Variants in SLC4A4 observed in about 807,000 individuals in gnomAD.
SLC4A4 encodes the protein electrogenic sodium bicarbonate cotransporter 1.
Under a neutral mutation model 111.5 loss-of-function variants are expected in SLC4A4, and 27 were observed. The ratio of observed to expected loss-of-function variants is 0.24; its 90% CI spans 0.18 to 0.33. The LOEUF (loss-of-function observed/expected upper bound fraction) is 0.33. SLC4A4 is among the 10% of genes least tolerant of loss of function. The probability of loss-of-function intolerance (pLI) is 1.00; values close to 1 mark genes in which losing one functional copy is unlikely to be tolerated. For missense variants in SLC4A4, 909 were observed against 1,315.5 expected (o/e 0.69, Z 4.78); for synonymous variants, 443 against 463.4 (o/e 0.96, Z 0.57).
At position 71,378,248 on chromosome 4, in the gene SLC4A4, G is replaced by T. The variant is rs971873319; in HGVS notation, c.731-19329G>T. ...TGAAGGTGGAGATTCAGAAATATTT[G>T]GTGGGCAGCACTAATGACTACCACC... is the stretch of plus-strand genomic sequence containing the variant. On this transcript the variant is annotated intron_variant, in intron 6 of 25. Coordinates refer to ENST00000264485, the MANE Select transcript of SLC4A4 (RefSeq NM_001098484.3). Among the ~76,000 whole-genome samples, 2 of 152,128 alleles carry T rather than the reference G, an allele frequency of 1.3e-5. 1 individual carries two copies. Among genetic ancestry groups the T allele is most frequent in the African/African-American group, 4.8e-5 (2 of 41,424 alleles).
intron 16 of SLC4A4, among the ~76,000 whole-genome samples, chr4:71,514,366 G>T (rs577750382): frequency 1.3e-5 from 2 of 152,236 alleles, no homozygotes; most frequent in East Asian, 3.9e-4. Context: ...GGACATGTCT[G>T]CTTCCCGTTT....
chr4:71,349,762 T>C (rs1729648555), intron 4 of SLC4A4, 150 bp from the exon 5 acceptor site: 3 of 708,566 alleles, frequency 4.2e-6, no homozygotes, highest in Non-Finnish European at 5.0e-6. Context: ...ATGAAGATTA[T>C]GTAATTAATG....
At chr4:71,189,564 G>C (rs1310272944) in intron 1 of SLC4A4, among the ~76,000 whole-genome samples, 1 of 152,154 alleles carries the variant, frequency 6.6e-6, no homozygotes, top group African/African-American at 2.4e-5. Context: ...TTGAGGTTCT[G>C]ATCCCTTGTT....
intron 4 of SLC4A4, among the ~76,000 whole-genome samples, chr4:71,345,866 C>T (rs913544750): frequency 6.6e-6 from 1 of 152,058 alleles, no homozygotes; most frequent in Non-Finnish European, 1.5e-5. Flanking sequence ...TGTACAATAA[C>T]TTTAATAGTG....
At chr4:71,359,283 G>T (rs1730555179) in intron 6 of SLC4A4, among the ~76,000 whole-genome samples, 1 of 152,212 alleles carries the variant, frequency 6.6e-6, no homozygotes, top group Non-Finnish European at 1.5e-5. Flanking sequence ...TATATGCTGG[G>T]CAGAAAGCAA....
At chr4:71,534,093 T>C (rs1482329253) in intron 17 of SLC4A4, 134 bp from the exon 18 acceptor site, 1 of 743,986 alleles carries the variant, frequency 1.3e-6, no homozygotes, top group Non-Finnish European at 2.3e-6. Context: ...CTTCATTCTC[T>C]AGCTCATAAC....
rs139157137 is a variant in SLC4A4, at chr4:71,492,130, C to A, written c.1974+5112C>A. Reference sequence around the variant, plus strand: ...CACCGAGAAAGTCAAGTGTAAAAACCATTCTGTCCTTAAATCTCCTTGAAG... The same window carrying A: ...CACCGAGAAAGTCAAGTGTAAAAACAATTCTGTCCTTAAATCTCCTTGAAG... On this transcript the variant is annotated intron_variant, in intron 15 of 25. Transcript: ENST00000264485. Among the ~76,000 whole-genome samples, 48 of 151,102 alleles carry A rather than the reference C, an allele frequency of 3.2e-4. No homozygotes were observed. The East Asian group carries it at 6.5e-3, about 20-fold the overall frequency.
Position 71,104,621 on chromosome 4 carries a change from T to A in SLC4A4, c.-2+11829T>A, listed in dbSNP as rs1472012109. Among the ~76,000 whole-genome samples the A allele has an allele frequency of 1.0e-4, 7 of 67,738 alleles. No homozygotes were observed. The East Asian group carries it at 1.3e-3, about 13-fold the overall frequency. The allele number at this position is 67,738 out of a possible 152,430, so 44.4% of individuals were successfully genotyped here. A position where few individuals can be genotyped will look rare whatever the true frequency, so the allele number is the denominator to read the frequency against. On this transcript the variant is annotated intron_variant, in intron 2 of 26. Coordinates refer to the SLC4A4 transcript ENST00000649996. ...TGGGATGCAAGGCTGGTTCAATATATGCAAATCAATAAATGTAATCCAGCA... is the reference window on the plus strand; with the variant it reads ...TGGGATGCAAGGCTGGTTCAATATAAGCAAATCAATAAATGTAATCCAGCA...
At chr4:71,119,720 G>A (rs1394067396) in intron 2 of SLC4A4, among the ~76,000 whole-genome samples, 3 of 152,264 alleles carry the variant, frequency 2.0e-5, no homozygotes, top group East Asian at 1.9e-4. Flanking sequence ...CTGTTACTTC[G>A]ATATTGCTTC....
intron 2 of SLC4A4, among the ~76,000 whole-genome samples, chr4:71,174,653 T>G (rs954578935): frequency 6.6e-6 from 1 of 152,204 alleles, no homozygotes; most frequent in Non-Finnish European, 1.5e-5. Flanking sequence ...GAAAGAGATA[T>G]TTTTTACTGC....
intron 2 of SLC4A4, among the ~76,000 whole-genome samples, chr4:71,177,824 C>T (rs945516463): frequency 1.1e-4 from 17 of 152,240 alleles, no homozygotes; most frequent in Middle Eastern, 3.4e-3. Flanking sequence ...CTGCACCAAG[C>T]GGACCTAATA....
At chr4:71,120,039 C>T (rs1743373248) in intron 2 of SLC4A4, among the ~76,000 whole-genome samples, 3 of 152,016 alleles carry the variant, frequency 2.0e-5, no homozygotes, top group Admixed American at 6.5e-5. Flanking sequence ...TGTTTTTAAA[C>T]ATAGTGAATT....
intron 7 of SLC4A4, among the ~76,000 whole-genome samples, chr4:71,409,827 T>C (rs1721198156): frequency 6.6e-6 from 1 of 152,122 alleles, no homozygotes; most frequent in Non-Finnish European, 1.5e-5. Flanking sequence ...AAAAGTGGTT[T>C]CGTGGGCCAC....
At chr4:71,455,157 A>G (rs1201951310) in intron 12 of SLC4A4, among the ~76,000 whole-genome samples, 1 of 152,156 alleles carries the variant, frequency 6.6e-6, no homozygotes, top group African/African-American at 2.4e-5. Flanking sequence ...GAGGCTGAAA[A>G]TTCTGATTCT....
At chr4:71,531,536 G>C (rs901951642) in intron 16 of SLC4A4, among the ~76,000 whole-genome samples, 2 of 152,020 alleles carry the variant, frequency 1.3e-5, no homozygotes, top group African/African-American at 4.8e-5. Context: ...GCCCTCCCAT[G>C]CTAGATTTTT....
chr4:71,337,009 T>G (rs2148886199), intron 3 of SLC4A4, among the ~76,000 whole-genome samples: 1 of 152,380 alleles, frequency 6.6e-6, no homozygotes, highest in East Asian at 1.9e-4. Context: ...GCAACACAGC[T>G]ACACACTTTG....
At position 71,536,465 on chromosome 4, in the gene SLC4A4, C is replaced by CATATATATATATAT. The variant is rs869091643; in HGVS notation, c.2442+2086_2442+2099dup. On this transcript the variant is annotated intron_variant, in intron 18 of 25. Coordinates refer to ENST00000264485, the MANE Select transcript of SLC4A4 (RefSeq NM_001098484.3). ...GCATATATACATATATACATATATA[C>CATATATATATATAT]ATATATATATATATATATATATGTA... Among the ~76,000 whole-genome samples, 306 of 40,686 alleles carry CATATATATATATAT rather than the reference C, an allele frequency of 7.5e-3. 15 individuals carry two copies. Among genetic ancestry groups the CATATATATATATAT allele is most frequent in the African/African-American group, 0.024 (293 of 12,462 alleles). 26.7% of individuals were successfully genotyped at this position (40,686 alleles called of 152,430 possible).
At chr4:71,213,663 T>G (rs1718263785) in intron 1 of SLC4A4, among the ~76,000 whole-genome samples, 2 of 152,168 alleles carry the variant, frequency 1.3e-5, no homozygotes, top group African/African-American at 2.4e-5. Flanking sequence ...GAGTCATAAG[T>G]TGAAGCCCTA....
Position 71,567,935 on chromosome 4 carries a change from A to G in SLC4A4, c.*184A>G. ...AAAACTGACATTTGTTGTTAATGTC[A>G]TTTGTTTTTGTTTGGCTGTTTGTTT... On this transcript the variant is annotated 3_prime_UTR_variant, in exon 26 of 26. Transcript: ENST00000264485. The G allele has an allele frequency of 1.7e-6, 2 of 1,173,184 alleles. No homozygotes were observed. The highest frequency in any genetic ancestry group is 2.4e-6 in the Non-Finnish European group (2 of 819,872). The allele number at this position is 1,173,184 out of a possible 1,614,324, so 72.7% of individuals were successfully genotyped here.
Sources: allele counts gnomAD v4.1 joint callset (sites outside exome capture counted in the v4.1 genomes callset), GRCh38; gene constraint gnomAD v4.1.1; transcripts MANE v1.5; gene names NCBI Gene and HGNC (gene_info 2026-07-23, HGNC 2026-07-21).